Variants in BMPR1B observed in about 807,000 individuals in gnomAD.
BMPR1B encodes bone morphogenetic protein receptor type 1B, also known as bone morphogenetic protein receptor type-1B.
In BMPR1B, 12 loss-of-function variants were observed where a neutral mutation model predicts 59.1. The ratio of observed to expected loss-of-function variants is 0.20; its 90% CI spans 0.13 to 0.33. BMPR1B has a LOEUF of 0.33. Among genes scored for constraint, BMPR1B ranks in the 10% least tolerant of loss-of-function variants. The probability of loss-of-function intolerance (pLI) is 1.00; values close to 1 mark genes in which losing one functional copy is unlikely to be tolerated. For synonymous variants in BMPR1B, 237 were observed against 207.3 expected, an observed-to-expected ratio of 1.14 and a Z score of -1.23; for missense variants, 550 against 610.9, an observed-to-expected ratio of 0.90 and a Z score of 1.05.
intron 4 of BMPR1B, among the ~76,000 whole-genome samples, chr4:95,114,500 G>A (rs1312697887): frequency 6.6e-6 from 1 of 152,176 alleles, no homozygotes; most frequent in Non-Finnish European, 1.5e-5. Context: ...CAAGTTTCTG[G>A]ACAAAGGAGA....
At chr4:94,856,986 T>G (rs1218843232) in intron 1 of BMPR1B, among the ~76,000 whole-genome samples, 1 of 152,128 alleles carries the variant, frequency 6.6e-6, no homozygotes, top group Non-Finnish European at 1.5e-5. Context: ...CAAGGAACAC[T>G]AAAACAGGGT....
At chr4:95,070,370 T>C (rs978480002) in intron 3 of BMPR1B, among the ~76,000 whole-genome samples, 11 of 152,132 alleles carry the variant, frequency 7.2e-5, no homozygotes, top group Admixed American at 2.0e-4. Context: ...AGAAGAGATA[T>C]AAGAAGACTC....
In BMPR1B at chr4:94,794,518, A is replaced by G. The variant is rs942499580; in HGVS notation, c.-183+36450A>G. Among the ~76,000 whole-genome samples the G allele has an allele frequency of 2.8e-4, 38 of 134,654 alleles. 4 individuals carry two copies. Among genetic ancestry groups the G allele is most frequent in the African/African-American group, 1.0e-3 (33 of 32,896 alleles). 88.3% of individuals were successfully genotyped at this position (134,654 alleles called of 152,430 possible). ...GCGATGCGGGCTCTTTTTTGGTTCCATATGAACTTGAAAGTAGTTTTTTCC... is the reference window on the plus strand; with the variant it reads ...GCGATGCGGGCTCTTTTTTGGTTCCGTATGAACTTGAAAGTAGTTTTTTCC... On this transcript the variant is annotated intron_variant, in intron 1 of 12. Coordinates refer to ENST00000515059, the MANE Select transcript of BMPR1B (RefSeq NM_001203.3).
chr4:94,975,441 G>A (rs1730994418), intron 2 of BMPR1B, among the ~76,000 whole-genome samples: 1 of 134,700 alleles, frequency 7.4e-6, no homozygotes, highest in Non-Finnish European at 1.5e-5. Context: ...ACGACTCACT[G>A]CAGCCTCCCT....
rs943183996 is a variant in BMPR1B at position 95,148,843 on chromosome 4, A to G, written c.1172A>G (p.His391Arg). 1.2e-6 allele frequency: 2 copies of G among 1,614,024 alleles called. No homozygotes were observed. Among genetic ancestry groups the G allele is most frequent in the Non-Finnish European group, 1.7e-6 (2 of 1,179,940 alleles). Residue 391 changes from histidine (H) to arginine (R), a missense_variant, in exon 11 of 13, where the codon CAC becomes CGC. Around this residue, in one of 6 missense-constraint regions of BMPR1B, gnomAD observed 123 missense variants for 164.6 expected, o/e 0.75. Transcript: ENST00000515059. ...EVLDESLNRN[H>R]FQSYIMADMY... is the part of the protein sequence containing the mutation. The stretch of plus-strand genomic sequence containing the variant: ...TTGGACGAGAGCTTGAACAGAAATC[A>G]CTTCCAGTCTTACATCATGGCTGAC...
intron 3 of BMPR1B, among the ~76,000 whole-genome samples, chr4:95,008,336 A>G (rs999358187): frequency 3.9e-5 from 6 of 152,124 alleles, no homozygotes; most frequent in Non-Finnish European, 5.9e-5. Context: ...TTCTCTCTCC[A>G]TCTGTAATGC....
At chr4:95,154,503 CCAGCCTTGCAGATGATA>C in intron 12 of BMPR1B, 28 bp from the exon 13 acceptor site, 1 of 1,613,244 alleles carries the variant, frequency 6.2e-7, no homozygotes, top group Non-Finnish European at 8.5e-7. Context: ...GTAACAGGTG[CCAGCCTTGCAGATGATA>C]CATTTTTCTA....
intron 3 of BMPR1B, among the ~76,000 whole-genome samples, chr4:95,064,762 C>T (rs1407323180): frequency 6.6e-6 from 1 of 152,112 alleles, no homozygotes; most frequent in Non-Finnish European, 1.5e-5. Context: ...ATACAAGTGG[C>T]TGACAATCAC....
At chr4:94,997,728 T>C (rs556579798) in intron 3 of BMPR1B, among the ~76,000 whole-genome samples, 1 of 152,304 alleles carries the variant, frequency 6.6e-6, no homozygotes, top group East Asian at 1.9e-4. Flanking sequence ...TGATCTAGAA[T>C]GGGCATTTCC....
intron 1 of BMPR1B, among the ~76,000 whole-genome samples, chr4:94,784,397 A>G (rs1560482975): frequency 2.0e-5 from 3 of 152,316 alleles, no homozygotes; most frequent in Middle Eastern, 3.4e-3. Flanking sequence ...CTGAACTTAC[A>G]AGATTACTTT....
chr4:95,065,237 C>A (rs1326316614), intron 3 of BMPR1B, among the ~76,000 whole-genome samples: 1 of 152,076 alleles, frequency 6.6e-6, no homozygotes, highest in African/African-American at 2.4e-5. Context: ...TGAAAGAAAC[C>A]AGATACAAAG....
intron 1 of BMPR1B, among the ~76,000 whole-genome samples, chr4:94,760,465 A>G (rs1222138939): frequency 2.6e-5 from 4 of 152,234 alleles, no homozygotes; most frequent in Non-Finnish European, 1.5e-5. Context: ...TTAAAAGTAT[A>G]AGGCAGTTTA....
At chr4:95,021,418 G>C (rs545863128) in intron 3 of BMPR1B, among the ~76,000 whole-genome samples, 1 of 152,104 alleles carries the variant, frequency 6.6e-6, no homozygotes, top group African/African-American at 2.4e-5. Flanking sequence ...TTCAGGCTTT[G>C]GTTCATCTGA....
At chr4:94,952,455 T>C (rs1729982758) in intron 2 of BMPR1B, among the ~76,000 whole-genome samples, 2 of 152,206 alleles carry the variant, frequency 1.3e-5, no homozygotes, top group African/African-American at 2.4e-5. Flanking sequence ...TTCTGGTACA[T>C]TGTGTCTTCG....
At chr4:94,810,903 G>A (rs987131391) in intron 1 of BMPR1B, among the ~76,000 whole-genome samples, 2 of 152,174 alleles carry the variant, frequency 1.3e-5, no homozygotes, top group Admixed American at 6.5e-5. Flanking sequence ...TCATGTGTGC[G>A]TGTGTGCATG....
At chr4:94,941,970 A>C (rs551280521) in intron 2 of BMPR1B, among the ~76,000 whole-genome samples, 6 of 152,288 alleles carry the variant, frequency 3.9e-5, no homozygotes, top group African/African-American at 1.4e-4. Context: ...TATGGTGACT[A>C]TTTACTATAA....
intron 1 of BMPR1B, among the ~76,000 whole-genome samples, chr4:94,812,948 A>G (rs1431524556): frequency 6.6e-6 from 1 of 151,894 alleles, no homozygotes; most frequent in East Asian, 1.9e-4. Context: ...AATTAAGACA[A>G]TTTTTATTTT....
intron 3 of BMPR1B, among the ~76,000 whole-genome samples, chr4:94,998,895 C>G (rs1201789881): frequency 6.6e-6 from 1 of 152,120 alleles, no homozygotes; most frequent in African/African-American, 2.4e-5. Context: ...GAATATTCCC[C>G]TTTCTCTCCA....
intron 3 of BMPR1B, among the ~76,000 whole-genome samples, chr4:95,099,075 T>C (rs1236448522): frequency 6.6e-6 from 1 of 152,106 alleles, no homozygotes; most frequent in Admixed American, 6.5e-5. Context: ...AGATTGTAGA[T>C]TATAGAATGT....
Sources: allele counts gnomAD v4.1 joint callset (sites outside exome capture counted in the v4.1 genomes callset), GRCh38; gene constraint gnomAD v4.1.1; regional missense constraint gnomAD v4.1.1; transcripts MANE v1.5; gene names NCBI Gene and HGNC (gene_info 2026-07-23, HGNC 2026-07-21).